Variants in JAKMIP2 observed in about 807,000 individuals in gnomAD.
JAKMIP2 encodes janus kinase and microtubule interacting protein 2.
A neutral mutation model predicts 115.0 loss-of-function variants in JAKMIP2; 25 were observed. The ratio of observed to expected loss-of-function variants is 0.22; its 90% CI spans 0.16 to 0.30. The LOEUF (loss-of-function observed/expected upper bound fraction) is 0.30, where lower values mean the gene tolerates loss of function less well. Among genes scored for constraint, JAKMIP2 ranks in the 10% least tolerant of loss-of-function variants. The pLI is 1.00. For synonymous variants in JAKMIP2, 334 were observed against 343.6 expected, an observed-to-expected ratio of 0.97 and a Z score of 0.31; for missense variants, 642 against 957.6, an observed-to-expected ratio of 0.67 and a Z score of 4.35.
chr5:147,703,693 G>A (rs1752462266), intron 1 of JAKMIP2, among the ~76,000 whole-genome samples: 1 of 151,432 alleles, frequency 6.6e-6, no homozygotes. Context: ...TCAAAGTGCT[G>A]GGATTACAAG....
intron 1 of JAKMIP2, among the ~76,000 whole-genome samples, chr5:147,742,571 G>A (rs1754190566): frequency 6.6e-6 from 1 of 152,170 alleles, no homozygotes; most frequent in African/African-American, 2.4e-5. Context: ...TTGAAGGCTA[G>A]CAGGTGACAA....
intron 1 of JAKMIP2, among the ~76,000 whole-genome samples, chr5:147,753,995 T>C (rs888524323): frequency 6.6e-6 from 1 of 152,142 alleles, no homozygotes; most frequent in African/African-American, 2.4e-5. Context: ...GCAACTACAC[T>C]GACATCACTG....
chr5:147,768,195 G>A (rs923307894), intron 1 of JAKMIP2, among the ~76,000 whole-genome samples: 7 of 152,038 alleles, frequency 4.6e-5, no homozygotes, highest in Admixed American at 2.0e-4. Flanking sequence ...TACTCAATTT[G>A]TAAATGTTCT....
chr5:147,651,085 G>C (rs954750124), intron 3 of JAKMIP2, among the ~76,000 whole-genome samples: 9 of 129,818 alleles, frequency 6.9e-5, no homozygotes, highest in African/African-American at 2.3e-4. Context: ...GGATTTGGAG[G>C]GAGGTCCTTC....
chr5:147,602,233 A>C (rs1051215393), intron 20 of JAKMIP2, among the ~76,000 whole-genome samples: 1 of 152,224 alleles, frequency 6.6e-6, no homozygotes, highest in Non-Finnish European at 1.5e-5. Context: ...CGATCAGAAC[A>C]TACACTTAAT....
intron 1 of JAKMIP2, among the ~76,000 whole-genome samples, chr5:147,693,974 C>T (rs1037957173): frequency 2.0e-5 from 3 of 152,272 alleles, no homozygotes; most frequent in East Asian, 3.9e-4. Context: ...TGTTGAAGTT[C>T]CAGATAGGTG....
chr5:147,655,541 G>A (rs1192928867), intron 3 of JAKMIP2, among the ~76,000 whole-genome samples: 2 of 152,148 alleles, frequency 1.3e-5, no homozygotes, highest in Non-Finnish European at 2.9e-5. Context: ...GGAGTTAGTG[G>A]TGATAGCTCT....
At chr5:147,595,380 A>C (rs1017429189) in intron 21 of JAKMIP2, 2 of 454,380 alleles carry the variant, frequency 4.4e-6, no homozygotes, top group Non-Finnish European at 4.4e-6. Flanking sequence ...GAGAGAACTA[A>C]CTTAGGCTCT....
intron 1 of JAKMIP2, among the ~76,000 whole-genome samples, chr5:147,730,882 A>G (rs1753705590): frequency 6.6e-6 from 1 of 151,714 alleles, no homozygotes; most frequent in Non-Finnish European, 1.5e-5. Flanking sequence ...ATACATTCCC[A>G]CTTGCTCATG....
chr5:147,610,757 T>C (rs1561845819), intron 20 of JAKMIP2, among the ~76,000 whole-genome samples: 1 of 152,176 alleles, frequency 6.6e-6, no homozygotes, highest in Non-Finnish European at 1.5e-5. Flanking sequence ...GGCAGGAATG[T>C]TTAAGTCTGC....
Position 147,671,898 on chromosome 5 carries a change from A to G in JAKMIP2, c.-92T>C. The G allele has an allele frequency of 7.1e-7, 1 of 1,411,914 alleles. No individual in the cohort carries two copies. Among genetic ancestry groups the G allele is most frequent in the Non-Finnish European group, 9.3e-7 (1 of 1,072,262 alleles). 87.5% of individuals were successfully genotyped at this position (1,411,914 alleles called of 1,614,324 possible). A position where few individuals can be genotyped will look rare whatever the true frequency, so the allele number is the denominator to read the frequency against. Reference sequence around the variant, plus strand: ...TTCTTATCCTGGAGTACGATGTCTCAGCATCTACTGTGTGGTGCTCCTTGG... The same window carrying G: ...TTCTTATCCTGGAGTACGATGTCTCGGCATCTACTGTGTGGTGCTCCTTGG... On this transcript the variant is annotated 5_prime_UTR_variant, in exon 2 of 22. Coordinates refer to ENST00000616793, the MANE Select transcript of JAKMIP2 (RefSeq NM_001270941.2).
chr5:147,659,519 A>T (rs1758853910), intron 3 of JAKMIP2, among the ~76,000 whole-genome samples: 1 of 152,160 alleles, frequency 6.6e-6, no homozygotes, highest in South Asian at 2.1e-4. Context: ...ATTAAAAGGG[A>T]TTTCATGCCT....
At chr5:147,772,600 T>G (rs2127078232) in intron 1 of JAKMIP2, among the ~76,000 whole-genome samples, 1 of 152,094 alleles carries the variant, frequency 6.6e-6, no homozygotes, top group South Asian at 2.1e-4. Context: ...ATGTCAAAAT[T>G]ATAAAATTTG....
intron 1 of JAKMIP2, among the ~76,000 whole-genome samples, chr5:147,760,922 A>G (rs1444361233): frequency 1.3e-5 from 2 of 152,112 alleles, no homozygotes; most frequent in African/African-American, 4.8e-5. Flanking sequence ...TGGTCTGGAA[A>G]GGTACAGGGA....
intron 17 of JAKMIP2, among the ~76,000 whole-genome samples, chr5:147,622,116 C>T (rs534741026): frequency 1.3e-5 from 2 of 152,194 alleles, no homozygotes; most frequent in Non-Finnish European, 2.9e-5. Flanking sequence ...ATCTGCCTGC[C>T]TCGGCCTCCC....
chr5:147,589,913 T>C lies in JAKMIP2; in HGVS notation c.*1794A>G, dbSNP rs903125038. 3.3e-5 allele frequency: 5 copies of C among 152,194 alleles called. No homozygotes were observed. Among genetic ancestry groups the C allele is most frequent in the African/African-American group, 1.2e-4 (5 of 41,454 alleles). The allele number at this position is 152,194 out of a possible 1,614,324, so 9.4% of individuals were successfully genotyped here. ...CAAATAATACAGCACTTGTAATAAT[T>C]ACAAAGCACATTGTGCTACTTTAAG... On this transcript the variant is annotated 3_prime_UTR_variant, in exon 22 of 22. Transcript: ENST00000616793.
In JAKMIP2 at chr5:147,717,298, C is replaced by A. The variant is rs1221746230; in HGVS notation, c.-148-45344G>T. On this transcript the variant is annotated intron_variant, in intron 1 of 21. Transcript: ENST00000616793. ...GTAGTGTGATGCCTCCAGCTTTGTT[C>A]TTTTGGCTTAGGATTGACTTGGCAA... Among the ~76,000 whole-genome samples the A allele has an allele frequency of 9.6e-4, 135 of 140,924 alleles. 1 individual carries two copies. Among genetic ancestry groups the A allele is most frequent in the African/African-American group, 3.5e-3 (131 of 37,602 alleles). 92.5% of individuals were successfully genotyped at this position (140,924 alleles called of 152,430 possible).
chr5:147,737,094 T>C (rs1291133996), intron 1 of JAKMIP2, among the ~76,000 whole-genome samples: 2 of 152,198 alleles, frequency 1.3e-5, no homozygotes, highest in African/African-American at 2.4e-5. Context: ...TTGAATGCTG[T>C]AATATTTTAA....
intron 20 of JAKMIP2, 199 bp downstream of exon 20, chr5:147,612,107 T>C: frequency 1.4e-6 from 1 of 723,982 alleles, no homozygotes; most frequent in South Asian, 1.4e-5. Flanking sequence ...AAGACAAATA[T>C]GTGAAGGCTG....
Sources: gnomAD v4.1 joint callset for allele counts (sites outside exome capture counted in the v4.1 genomes callset) on GRCh38, gnomAD v4.1.1 for gene constraint, MANE v1.5 for transcripts, NCBI Gene and HGNC (gene_info 2026-07-23, HGNC 2026-07-21) for gene names.